RIN2: variants seen among roughly 807,000 people sequenced by gnomAD.
The protein encoded by RIN2 is Ras and Rab interactor 2.
In RIN2, 36 loss-of-function variants were observed where a neutral mutation model predicts 78.0. The observed-to-expected ratio is 0.46, with a 90% confidence interval of 0.35 to 0.61. The LOEUF is 0.61. RIN2 is among the 20% of genes least tolerant of loss of function. RIN2 has a pLI of 0.00. For missense variants in RIN2, 1,087 were observed against 1,159.7 expected, an observed-to-expected ratio of 0.94 and a Z score of 0.91; for synonymous variants, 466 against 466.8, an observed-to-expected ratio of 1.00 and a Z score of 0.02.
chr20:19,801,629 C>T (rs146311556), intron 2 of RIN2, among the ~76,000 whole-genome samples: 69 of 152,256 alleles, frequency 4.5e-4, no homozygotes, highest in African/African-American at 1.5e-3. Flanking sequence ...CATCATTATG[C>T]GATTCTGTGA....
chr20:19,865,503 T>TC (rs2037477169), intron 2 of RIN2, among the ~76,000 whole-genome samples: 1 of 117,738 alleles, frequency 8.5e-6, no homozygotes, highest in African/African-American at 3.6e-5. Context: ...TTTTTTTTTT[T>TC]GGCAACAGTG....
At chr20:19,950,149 A>G (rs1380645558) in intron 4 of RIN2, among the ~76,000 whole-genome samples, 2 of 152,186 alleles carry the variant, frequency 1.3e-5, no homozygotes, top group African/African-American at 2.4e-5. Context: ...CTTCAAAGCC[A>G]TGAGGCCCAG....
intron 2 of RIN2, 110 bp downstream of exon 2, chr20:19,799,857 G>A (rs2122701981): frequency 6.6e-6 from 1 of 152,346 alleles, no homozygotes; most frequent in African/African-American, 2.4e-5. Flanking sequence ...GTGATATGTG[G>A]TCGTGGAAGG....
At chr20:19,923,841 A>G (rs1416272315) in intron 3 of RIN2, among the ~76,000 whole-genome samples, 1 of 152,056 alleles carries the variant, frequency 6.6e-6, no homozygotes, top group Non-Finnish European at 1.5e-5. Context: ...TTTTTGGTAA[A>G]TAGAACATCC....
At chr20:19,776,539 C>T (rs1227234863) in intron 1 of RIN2, among the ~76,000 whole-genome samples, 2 of 152,046 alleles carry the variant, frequency 1.3e-5, no homozygotes, top group African/African-American at 4.8e-5. Flanking sequence ...CGAGACAAGC[C>T]TGGCCAACAT....
chr20:19,842,208 GTTTT>G (rs760874785), intron 2 of RIN2, among the ~76,000 whole-genome samples: 4 of 66,796 alleles, frequency 6.0e-5, no homozygotes, highest in South Asian at 6.0e-4. Flanking sequence ...TTGTTTCTTT[GTTTT>G]TTTTGTTTGT....
Position 19,974,687 on chromosome 20 carries a change from C to G in RIN2, c.662C>G (p.Pro221Arg). The change falls in exon 9 of 13, where the codon CCG becomes CGG. Residue 221 changes from proline (P) to arginine (R), a missense_variant. This residue lies in a region of RIN2 where 706 missense variants were observed against 667.5 expected (regional missense o/e 1.06). Transcript: ENST00000255006. ...FWSSPADSKP[P>R]NLPPPHRPLS... ...AGCTCCCCAGCTGACAGCAAACCCC[C>G]GAACCTTCCACCTCCCCATAGGCCT... 6.2e-7 allele frequency: 1 copy of G among 1,613,756 alleles called. No homozygotes were observed. Among genetic ancestry groups the G allele is most frequent in the Non-Finnish European group, 8.5e-7 (1 of 1,179,702 alleles).
At chr20:19,832,975 G>A (rs2036293158) in intron 2 of RIN2, among the ~76,000 whole-genome samples, 1 of 152,060 alleles carries the variant, frequency 6.6e-6, no homozygotes, top group Non-Finnish European at 1.5e-5. Flanking sequence ...AACCACAGCA[G>A]CCCCTATGCT....
intron 3 of RIN2, among the ~76,000 whole-genome samples, chr20:19,907,198 C>T (rs2039256378): frequency 6.6e-6 from 1 of 152,206 alleles, no homozygotes; most frequent in South Asian, 2.1e-4. Flanking sequence ...CTGTGATAAC[C>T]AGCCCACTCC....
At chr20:19,816,084 C>CT (rs766161605) in intron 2 of RIN2, among the ~76,000 whole-genome samples, 6 of 152,168 alleles carry the variant, frequency 3.9e-5, no homozygotes, top group Admixed American at 2.0e-4. Flanking sequence ...TAGCTTGAAC[C>CT]TTACTATATT....
At chr20:19,852,714 T>C (rs1364541510) in intron 2 of RIN2, among the ~76,000 whole-genome samples, 2 of 152,172 alleles carry the variant, frequency 1.3e-5, no homozygotes, top group Non-Finnish European at 2.9e-5. Context: ...ATTAGTCCTT[T>C]ACATACAAGG....
At chr20:19,973,793 G>GAA (rs74558708) in intron 8 of RIN2, among the ~76,000 whole-genome samples, 1 of 141,332 alleles carries the variant, frequency 7.1e-6, no homozygotes, top group Non-Finnish European at 1.6e-5. Flanking sequence ...CGTCTCAAGG[G>GAA]AAAAAAAAAA....
At chr20:19,953,668 G>A (rs1383973252) in intron 4 of RIN2, among the ~76,000 whole-genome samples, 1 of 151,916 alleles carries the variant, frequency 6.6e-6, no homozygotes, top group East Asian at 1.9e-4. Context: ...TTGAACTCCT[G>A]GTCTCAGATG....
At chr20:19,934,192 T>C (rs1006486013) in intron 3 of RIN2, among the ~76,000 whole-genome samples, 1 of 152,200 alleles carries the variant, frequency 6.6e-6, no homozygotes, top group Non-Finnish European at 1.5e-5. Flanking sequence ...TCTTAGAAAT[T>C]AAAATGAAGG....
intron 2 of RIN2, among the ~76,000 whole-genome samples, chr20:19,872,744 A>G (rs1462132873): frequency 6.6e-6 from 1 of 152,208 alleles, no homozygotes; most frequent in Non-Finnish European, 1.5e-5. Context: ...ATTAATAGAA[A>G]ACTTTTTAAA....
At chr20:19,919,331 A>G (rs577689136) in intron 3 of RIN2, among the ~76,000 whole-genome samples, 1 of 152,228 alleles carries the variant, frequency 6.6e-6, no homozygotes, top group Non-Finnish European at 1.5e-5. Flanking sequence ...TTTGACCTAT[A>G]CACCTGCAGG....
At chr20:19,942,839 T>G (rs1187007635) in intron 4 of RIN2, among the ~76,000 whole-genome samples, 1 of 152,186 alleles carries the variant, frequency 6.6e-6, no homozygotes, top group East Asian at 1.9e-4. Flanking sequence ...ACTCCAGAGT[T>G]GGAGCTATTT....
chr20:19,922,856 C>T (rs1285580501), intron 3 of RIN2, among the ~76,000 whole-genome samples: 1 of 152,170 alleles, frequency 6.6e-6, no homozygotes, highest in African/African-American at 2.4e-5. Context: ...TTAAACCATA[C>T]CTTTCACTCG....
chr20:19,850,236 T>C (rs1466792738), intron 2 of RIN2, among the ~76,000 whole-genome samples: 1 of 152,114 alleles, frequency 6.6e-6, no homozygotes, highest in Non-Finnish European at 1.5e-5. Flanking sequence ...GTTTTTAACC[T>C]CCCTTACATT....
Sources: gnomAD v4.1 joint callset for allele counts (sites outside exome capture counted in the v4.1 genomes callset) on GRCh38, gnomAD v4.1.1 for gene constraint, gnomAD v4.1.1 regional missense constraint, MANE v1.5 for transcripts, NCBI Gene and HGNC (gene_info 2026-07-23, HGNC 2026-07-21) for gene names.